LMF1: variants seen among roughly 807,000 people sequenced by gnomAD.
The protein encoded by LMF1 is transmembrane protein 112.
Under a neutral mutation model 60.6 loss-of-function variants are expected in LMF1, and 68 were observed. The observed-to-expected ratio is 1.12, with a 90% CI of 0.92 to 1.37. The LOEUF (loss-of-function observed/expected upper bound fraction) is 1.37, where lower values mean the gene tolerates loss of function less well. Among genes scored for constraint, LMF1 ranks in the 40% most tolerant of loss-of-function variants. LMF1 has a pLI of 0.00. For missense variants in LMF1, 948 were observed against 767.2 expected, an observed-to-expected ratio of 1.24 and a Z score of -2.78; for synonymous variants, 418 against 324.7, an observed-to-expected ratio of 1.29 and a Z score of -3.09.
At chr16:971,149 GC>G (rs1813672356), upstream of LMF1, 3 of 647,628 alleles carry the variant, frequency 4.6e-6, no homozygotes, top group East Asian at 6.9e-5. Context: ...AGCCGGCCCC[GC>G]CCACGCGCGG....
At chr16:946,399 G>A (rs1223770151) in intron 2 of LMF1, among the ~76,000 whole-genome samples, 2 of 152,180 alleles carry the variant, frequency 1.3e-5, no homozygotes, top group Non-Finnish European at 2.9e-5. Flanking sequence ...AGAAGGAAGC[G>A]CTTCTCCCAG....
intron 2 of LMF1, among the ~76,000 whole-genome samples, chr16:952,277 G>A (rs187307475): frequency 8.6e-4 from 130 of 151,556 alleles, no homozygotes; most frequent in African/African-American, 3.0e-3. Flanking sequence ...CCCCTTACAA[G>A]TGCCCACTCC....
At chr16:886,108 G>A (rs971925426) in intron 5 of LMF1, among the ~76,000 whole-genome samples, 3 of 152,302 alleles carry the variant, frequency 2.0e-5, no homozygotes, top group African/African-American at 4.8e-5. Flanking sequence ...TGCATGTTAC[G>A]ACATTTGATT....
chr16:910,877 G>A (rs1596974068), intron 4 of LMF1, 54 bp downstream of exon 4: 2 of 1,604,648 alleles, frequency 1.2e-6, no homozygotes, highest in East Asian at 2.2e-5. Flanking sequence ...AAGCCTCACA[G>A]GTTAGAAGAG....
chr16:936,377 G>A (rs58619814), intron 2 of LMF1, among the ~76,000 whole-genome samples: 19,052 of 86,116 alleles, frequency 0.22, 1,559 homozygotes, highest in African/African-American at 0.46. Flanking sequence ...GAGAGAGGGG[G>A]TACCCCGTGG....
chr16:976,383 G>A (rs1179812830), intron 1 of LMF1: 2 of 454,010 alleles, frequency 4.4e-6, no homozygotes, highest in South Asian at 1.6e-5. Context: ...GCACCCTCCT[G>A]TACACGGCAC....
At chr16:938,057 A>G (rs2071993871) in intron 2 of LMF1, among the ~76,000 whole-genome samples, 1 of 152,106 alleles carries the variant, frequency 6.6e-6, no homozygotes, top group South Asian at 2.1e-4. Context: ...TACCACAAAA[A>G]AAGAGGGGCG....
At chr16:958,866 G>A (rs1005096326) in intron 1 of LMF1, among the ~76,000 whole-genome samples, 8 of 151,172 alleles carry the variant, frequency 5.3e-5, no homozygotes, top group Non-Finnish European at 7.4e-5. Context: ...CAGCCTCGGC[G>A]ACAGAGTAAG....
intron 3 of LMF1, among the ~76,000 whole-genome samples, chr16:927,984 G>A (rs928199222): frequency 2.0e-5 from 3 of 152,188 alleles, no homozygotes; most frequent in South Asian, 2.1e-4. Context: ...CTTGGCAAGA[G>A]CACAGCAGCA....
At chr16:857,238 C>T (rs116161429) in intron 10 of LMF1, among the ~76,000 whole-genome samples, 1,568 of 152,332 alleles carry the variant, frequency 0.01, 26 homozygotes, top group African/African-American at 0.035. Context: ...CGGGTTTCTG[C>T]GTGAACCTGG....
upstream of LMF1, among the ~76,000 whole-genome samples, chr16:972,332 A>G (rs2073065523): frequency 6.6e-6 from 1 of 152,220 alleles, no homozygotes; most frequent in Non-Finnish European, 1.5e-5. Context: ...ACACACAAAC[A>G]TCCTCCGCAT....
In LMF1 at chr16:954,483, A is replaced by G; in HGVS notation, c.377T>C (p.Leu126Pro). 6.2e-7 allele frequency: 1 copy of G among 1,612,834 alleles called. No individual in the cohort carries two copies. The highest frequency in any genetic ancestry group is 1.1e-5 in the South Asian group (1 of 90,888). ...CAGTCCGAGAAGAGCCAGCAAGTCCAGGTTGGAGTTCATGTCTGACCAGTC... is the reference window on the plus strand; with the variant it reads ...CAGTCCGAGAAGAGCCAGCAAGTCCGGGTTGGAGTTCATGTCTGACCAGTC... ...LMDWSDMNSNLDLLALLGLGI... is the reference protein window; with the variant it reads ...LMDWSDMNSNPDLLALLGLGI... The change falls in exon 2 of 11, where the codon CTG (leucine) becomes CCG (proline). Residue 126 changes from leucine to proline, a missense_variant. Coordinates refer to ENST00000262301, the MANE Select transcript of LMF1 (RefSeq NM_022773.4).
intron 1 of LMF1, chr16:978,924 G>A (rs1012253623): frequency 2.0e-5 from 9 of 451,120 alleles, no homozygotes; most frequent in Non-Finnish European, 3.6e-5. Flanking sequence ...CTCCCTGCAG[G>A]AGATCAGAAG....
rs2070063339 is a variant in LMF1 at position 878,575 on chromosome 16, C to T, written c.897+995G>A. ...AAAACCAGAAACTACCACACGTGCA[C>T]AGACGGGACGGGTGAACCGACCGCA... On this transcript the variant is annotated intron_variant, in intron 6 of 10. Coordinates refer to ENST00000262301, the MANE Select transcript of LMF1 (RefSeq NM_022773.4). This position sits in a 1 kb window ranked among gnomAD's most constrained non-coding sequence, Gnocchi z 5.2. Among the ~76,000 whole-genome samples the T allele has an allele frequency of 6.6e-6, 1 of 152,240 alleles. No individual in the cohort carries two copies. The highest frequency in any genetic ancestry group is 6.5e-5 in the Admixed American group (1 of 15,290).
At position 853,704 on chromosome 16, in the gene LMF1, A is replaced by T; in HGVS notation, c.*828T>A. On this transcript the variant is annotated 3_prime_UTR_variant, in exon 11 of 11. Coordinates refer to ENST00000262301, the MANE Select transcript of LMF1 (RefSeq NM_022773.4). The stretch of plus-strand genomic sequence containing the variant: ...TATGCCATAGCTATGGCTCAAGAAT[A>T]GGAATAAGAAAAATGTGCAGTAGAC... The T allele has an allele frequency of 2.2e-6, 1 of 454,124 alleles. No individual in the cohort carries two copies. The highest frequency in any genetic ancestry group is 4.4e-6 in the Non-Finnish European group (1 of 226,770). 28.1% of individuals were successfully genotyped at this position (454,124 alleles called of 1,614,324 possible).
intron 2 of LMF1, among the ~76,000 whole-genome samples, chr16:940,535 G>A (rs559523739): frequency 6.6e-6 from 1 of 152,228 alleles, no homozygotes; most frequent in Non-Finnish European, 1.5e-5. Context: ...TTAAAGGAAT[G>A]CATAACTTTA....
intron 4 of LMF1, among the ~76,000 whole-genome samples, chr16:904,580 T>G (rs1430537451): frequency 1.6e-5 from 1 of 62,932 alleles, no homozygotes; most frequent in Non-Finnish European, 2.9e-5. Context: ...ACCTTTGCAC[T>G]GCCCGTGGGG....
intron 1 of LMF1, 39 bp downstream of exon 1, chr16:970,749 G>A (rs1183582842): frequency 1.1e-5 from 16 of 1,489,222 alleles, no homozygotes; most frequent in South Asian, 3.8e-5. Context: ...GTGCGCGGAG[G>A]TGACACTGGC....
At chr16:871,109 CCACCCGACTTTCTCCTG>C in intron 7 of LMF1, 35 bp downstream of exon 7, 1 of 1,494,318 alleles carries the variant, frequency 6.7e-7, no homozygotes, top group Non-Finnish European at 8.9e-7. Context: ...GGGGCTGGCA[CCACCCGACTTTCTCCTG>C]CCCTTGGGCA....
Sources: allele counts gnomAD v4.1 joint callset (sites outside exome capture counted in the v4.1 genomes callset), GRCh38; gene constraint gnomAD v4.1.1; non-coding constraint Gnocchi (gnomAD v3.1); transcripts MANE v1.5; gene names NCBI Gene and HGNC (gene_info 2026-07-23, HGNC 2026-07-21).